NFASC: variants seen among roughly 807,000 people sequenced by gnomAD.
NFASC encodes the protein neurofascin homolog.
A neutral mutation model predicts 147.5 loss-of-function variants in NFASC; 43 were observed. The ratio of observed to expected loss-of-function variants is 0.29; its 90% CI spans 0.23 to 0.38. The LOEUF is 0.38. Among genes scored for constraint, NFASC ranks in the 10% least tolerant of loss-of-function variants. NFASC has a pLI of 1.00. For synonymous variants in NFASC, 622 were observed against 665.5 expected, an observed-to-expected ratio of 0.93 and a Z score of 1.01; for missense variants, 1,320 against 1,689.0, an observed-to-expected ratio of 0.78 and a Z score of 3.83.
At chr1:204,911,098 C>T (rs946483763) in intron 1 of NFASC, among the ~76,000 whole-genome samples, 6 of 152,142 alleles carry the variant, frequency 3.9e-5, no homozygotes, top group Non-Finnish European at 7.3e-5. Flanking sequence ...AAAAATCACA[C>T]TGAAGAAATT....
intron 11 of NFASC, among the ~76,000 whole-genome samples, chr1:204,971,862 G>T (rs922787802): frequency 6.6e-6 from 1 of 152,160 alleles, no homozygotes; most frequent in Non-Finnish European, 1.5e-5. Context: ...TAGGACTTTG[G>T]GGGTAAGCTA....
chr1:204,942,302 T>C (rs2093411971), intron 2 of NFASC, among the ~76,000 whole-genome samples: 2 of 152,056 alleles, frequency 1.3e-5, no homozygotes, highest in African/African-American at 4.8e-5. Context: ...AGACCAGAGC[T>C]TAATGGTGCA....
intron 24 of NFASC, among the ~76,000 whole-genome samples, chr1:204,994,162 C>A (rs923088337): frequency 6.6e-6 from 1 of 152,170 alleles, no homozygotes; most frequent in African/African-American, 2.4e-5. Context: ...GGGAGGCTGC[C>A]GGAAAGTGAC....
At chr1:205,013,573 A>G (rs1408521635) in intron 29 of NFASC, among the ~76,000 whole-genome samples, 1 of 152,082 alleles carries the variant, frequency 6.6e-6, no homozygotes, top group African/African-American at 2.4e-5. Flanking sequence ...GCTATTCTAT[A>G]CTTCTATACC....
chr1:204,949,919 G>A (rs572577808), intron 3 of NFASC, among the ~76,000 whole-genome samples: 2 of 152,250 alleles, frequency 1.3e-5, no homozygotes, highest in Non-Finnish European at 2.9e-5. Context: ...TGTAGCCTCT[G>A]CTTCATCTCT....
intron 1 of NFASC, among the ~76,000 whole-genome samples, chr1:204,919,141 C>G (rs1351376494): frequency 6.6e-6 from 1 of 152,130 alleles, no homozygotes; most frequent in Non-Finnish European, 1.5e-5. Flanking sequence ...TTTCATGCCT[C>G]AGCCTCCCAA....
rs778046972 is a variant in NFASC at position 204,981,855 on chromosome 1, C to T, written c.2305C>T (p.Arg769Trp). Reference protein sequence around the residue: ...PNLRYIVKWRRRETREAWNNV... With the variant: ...PNLRYIVKWRWRETREAWNNV... ...CCTGCGCTACATTGTCAAGTGGAGGCGGAGAGAGACTCGAGAGGCCTGGAA... is the reference window on the plus strand; with the variant it reads ...CCTGCGCTACATTGTCAAGTGGAGGTGGAGAGAGACTCGAGAGGCCTGGAA... The change falls in exon 21 of 30, where the codon CGG becomes TGG. Residue 769 changes from arginine (R) to tryptophan (W), a missense_variant. Transcript: ENST00000339876. The T allele has an allele frequency of 1.9e-6, 3 of 1,601,206 alleles. No individual in the cohort carries two copies. Among genetic ancestry groups the T allele is most frequent in the Non-Finnish European group, 1.7e-6 (2 of 1,173,944 alleles).
intron 3 of NFASC, among the ~76,000 whole-genome samples, chr1:204,950,106 G>A (rs764686553): frequency 6.6e-6 from 1 of 152,230 alleles, no homozygotes; most frequent in Non-Finnish European, 1.5e-5. Context: ...CTGCAGCAGT[G>A]TTTCCAATCC....
At chr1:205,006,799 A>C (rs556692755) in intron 27 of NFASC, among the ~76,000 whole-genome samples, 1 of 152,204 alleles carries the variant, frequency 6.6e-6, no homozygotes, top group East Asian at 1.9e-4. Flanking sequence ...GCAGCAGGAG[A>C]GCTGGGAGAA....
intron 2 of NFASC, among the ~76,000 whole-genome samples, chr1:204,926,378 A>T (rs1362655203): frequency 3.1e-5 from 1 of 32,390 alleles, no homozygotes; most frequent in Admixed American, 3.6e-4. Context: ...TTCTTTTTTC[A>T]TGTATATATA....
At chr1:204,974,573 A>G (rs10157440) in intron 13 of NFASC, 84 bp from the exon 14 acceptor site, 33,976 of 1,469,360 alleles carry the variant, frequency 0.023, 504 homozygotes, top group Non-Finnish European at 0.028. Flanking sequence ...CACAGCCCCC[A>G]TGGTCTCTCT....
chr1:204,982,045 C>A (rs750505414), intron 21 of NFASC, 25 bp downstream of exon 21: 7 of 1,456,130 alleles, frequency 4.8e-6, no homozygotes, highest in South Asian at 1.4e-5. Context: ...CCCCGTCCCC[C>A]CATCAGGACC....
chr1:204,889,946 C>T (rs377743288), intron 1 of NFASC, among the ~76,000 whole-genome samples: 41 of 152,314 alleles, frequency 2.7e-4, no homozygotes, highest in African/African-American at 9.6e-4. Flanking sequence ...CTCCGGCAGC[C>T]GACTTCTCTT....
chr1:204,848,029 C>T (rs548878669), intron 1 of NFASC, among the ~76,000 whole-genome samples: 1 of 152,154 alleles, frequency 6.6e-6, no homozygotes, highest in Non-Finnish European at 1.5e-5. Context: ...TTCCCATTAC[C>T]CCTTTGTACT....
At chr1:204,988,588 A>G in intron 22 of NFASC, 45 bp from the exon 23 acceptor site, 1 of 1,571,388 alleles carries the variant, frequency 6.4e-7, no homozygotes, top group Non-Finnish European at 8.8e-7. Flanking sequence ...TAACCCATCA[A>G]TAAATGTTGC....
At chr1:204,877,867 C>G (rs1268075465) in intron 1 of NFASC, among the ~76,000 whole-genome samples, 4 of 152,146 alleles carry the variant, frequency 2.6e-5, no homozygotes, top group Non-Finnish European at 5.9e-5. Flanking sequence ...GCACCAGGAC[C>G]CGGAGTGGAA....
At position 204,951,997 on chromosome 1, in the gene NFASC, G is replaced by T; in HGVS notation, c.110-14G>T. The stretch of plus-strand genomic sequence containing the variant: ...CCCTGCAGCCCTGACCATGCTCCCT[G>T]TGCACTGTTGCAGTGACGCAGCCGC... On this transcript the variant is annotated splice_polypyrimidine_tract_variant and intron_variant, in intron 4 of 29. Transcript: ENST00000339876. 6.2e-7 allele frequency: 1 copy of T among 1,612,018 alleles called. No individual in the cohort carries two copies. Among genetic ancestry groups the T allele is most frequent in the Non-Finnish European group, 8.5e-7 (1 of 1,178,326 alleles).
rs1305599208 is a variant in NFASC, at chr1:204,968,649, C to T, written c.819-149C>T. The T allele has an allele frequency of 5.6e-6, 4 of 708,448 alleles. No homozygotes were observed. The highest frequency in any genetic ancestry group is 1.8e-5 in the African/African-American group (1 of 55,768). 43.9% of individuals were successfully genotyped at this position (708,448 alleles called of 1,614,324 possible). ...CAGGCTCTCTGTGGCTGAGCATCCT[C>T]CTCTGCACAGGAAAGATCAGCTTTT... On this transcript the variant is annotated intron_variant, in intron 9 of 29. Coordinates refer to ENST00000339876, the MANE Select transcript of NFASC (RefSeq NM_001005388.3). The surrounding 1 kb of genome is among the most constrained non-coding windows in gnomAD (Gnocchi z 5.4).
chr1:204,870,292 A>C (rs1304788179), intron 1 of NFASC, among the ~76,000 whole-genome samples: 1 of 152,178 alleles, frequency 6.6e-6, no homozygotes, highest in Non-Finnish European at 1.5e-5. Flanking sequence ...TCTCGAGCAG[A>C]AGTGGACCAG....
Sources: gnomAD v4.1 joint callset for allele counts (sites outside exome capture counted in the v4.1 genomes callset) on GRCh38, gnomAD v4.1.1 for gene constraint, Gnocchi (gnomAD v3.1) non-coding constraint, MANE v1.5 for transcripts, NCBI Gene and HGNC (gene_info 2026-07-23, HGNC 2026-07-21) for gene names.